Variants in JAKMIP1 observed in about 807,000 individuals in gnomAD.
The protein encoded by JAKMIP1 is janus kinase and microtubule interacting protein 1.
A neutral mutation model predicts 113.0 loss-of-function variants in JAKMIP1; 33 were observed. That is an observed-to-expected ratio of 0.29 (90% CI 0.22 to 0.39). The LOEUF is 0.39. JAKMIP1 is among the 10% of genes least tolerant of loss of function. The pLI is 1.00. For missense variants in JAKMIP1, 813 were observed against 1,080.5 expected (o/e 0.75, Z 3.47); for synonymous variants, 480 against 459.9 (o/e 1.04, Z -0.56).
In JAKMIP1 at chr4:6,100,772, A is replaced by G. The variant is rs188487070; in HGVS notation, c.624+4701T>C. On this transcript the variant is annotated intron_variant, in intron 3 of 20. Coordinates refer to ENST00000409021, the MANE Select transcript of JAKMIP1 (RefSeq NM_001099433.2). ...TTTTTTTTAATAGTCATTCTAGTGG[A>G]TGAGAATTTATATCTAGTTGTAATT... Among the ~76,000 whole-genome samples, 17 of 152,276 alleles carry G rather than the reference A, an allele frequency of 1.1e-4. No homozygotes were observed. The East Asian group carries it at 2.9e-3, about 26-fold the overall frequency.
rs1717569127 is a variant in JAKMIP1 at position 6,126,244 on chromosome 4, T to A, written c.-147-13247A>T. Among the ~76,000 whole-genome samples the A allele has an allele frequency of 6.1e-5, 7 of 115,096 alleles. No individual in the cohort carries two copies. The South Asian group carries it at 2.0e-3, about 33-fold the overall frequency. The allele number at this position is 115,096 out of a possible 152,430, so 75.5% of individuals were successfully genotyped here. ...AACACACACACGCAAACACACACCA[T>A]GGAGAAACACACACACACACAAACA... On this transcript the variant is annotated intron_variant, in intron 1 of 20. Transcript: ENST00000409021.
chr4:6,050,840 G>A lies in JAKMIP1; in HGVS notation c.1807-161C>T, dbSNP rs190950073. On this transcript the variant is annotated intron_variant, in intron 13 of 20. Transcript: ENST00000409021. The surrounding 1 kb of genome is among the most constrained non-coding windows in gnomAD (Gnocchi z 7.4). ...AGCAGCCTCGTCCGTGAGCTACGAC[G>A]TTTTCACGCCTTCCCACGCAGCAGT... Among the ~76,000 whole-genome samples the A allele has an allele frequency of 3.0e-4, 46 of 152,288 alleles. No individual in the cohort carries two copies. The East Asian group carries it at 6.4e-3, about 21-fold the overall frequency.
At chr4:6,104,910 G>C (rs1370811967) in intron 3 of JAKMIP1, among the ~76,000 whole-genome samples, 2 of 152,172 alleles carry the variant, frequency 1.3e-5, no homozygotes, top group Non-Finnish European at 2.9e-5. Context: ...TCATCTCTCT[G>C]AGGACATCCA....
chr4:6,082,714 C>T (rs1236181338), intron 5 of JAKMIP1, among the ~76,000 whole-genome samples: 5 of 152,072 alleles, frequency 3.3e-5, no homozygotes, highest in Non-Finnish European at 7.4e-5. Flanking sequence ...GCTGCCCAAG[C>T]TGGGCTGGAA....
chr4:6,190,946 C>T (rs1727191285), intron 1 of JAKMIP1, among the ~76,000 whole-genome samples: 1 of 152,202 alleles, frequency 6.6e-6, no homozygotes, highest in Admixed American at 6.5e-5. Flanking sequence ...CGGCCTGCAC[C>T]ACATCCTGAG....
chr4:6,181,631 T>C lies in JAKMIP1; in HGVS notation c.-148+18622A>G, dbSNP rs931585217. 6.6e-6 allele frequency among the ~76,000 whole-genome samples: 1 copy of C among 152,124 alleles called. No homozygotes were observed. The highest frequency in any genetic ancestry group is 1.9e-4 in the East Asian group (1 of 5,196). ...CTGTGGAAGGGGTGAAATCAGGATA[T>C]GCAGATGGAGGAGCAGGGGTCAAAG... On this transcript the variant is annotated intron_variant, in intron 1 of 20. Coordinates refer to ENST00000409021, the MANE Select transcript of JAKMIP1 (RefSeq NM_001099433.2). This position sits in a 1 kb window ranked among gnomAD's most constrained non-coding sequence, Gnocchi z 5.4.
rs549440442 is a variant in JAKMIP1 at position 6,113,061 on chromosome 4, C to T, written c.-147-64G>A. On this transcript the variant is annotated intron_variant, in intron 1 of 20. Transcript: ENST00000409021. Reference sequence around the variant, plus strand: ...GGGTGGGGAGCTGGTGTCCCTGCCTCGGGCACCCTGGGCCAGGCACCTGCC... The same window carrying T: ...GGGTGGGGAGCTGGTGTCCCTGCCTTGGGCACCCTGGGCCAGGCACCTGCC... The T allele has an allele frequency of 5.2e-4, 377 of 728,010 alleles. 1 individual carries two copies. The highest frequency in any genetic ancestry group is 5.0e-3 in the African/African-American group (278 of 56,000). The allele number at this position is 728,010 out of a possible 1,614,324, so 45.1% of individuals were successfully genotyped here.
Position 6,112,888 on chromosome 4 carries a change from C to A in JAKMIP1, c.-38G>T. On this transcript the variant is annotated 5_prime_UTR_variant, in exon 2 of 21. Coordinates refer to ENST00000409021, the MANE Select transcript of JAKMIP1 (RefSeq NM_001099433.2). Reference sequence around the variant, plus strand: ...GTCAGAGTGCTGAGATCCTGCGGTCCACACCTGTTCACGCACGCCAGCCAG... The same window carrying A: ...GTCAGAGTGCTGAGATCCTGCGGTCAACACCTGTTCACGCACGCCAGCCAG... 1.3e-6 allele frequency: 2 copies of A among 1,597,048 alleles called. No individual in the cohort carries two copies. Among genetic ancestry groups the A allele is most frequent in the Admixed American group, 1.7e-5 (1 of 59,340 alleles).
rs1357978544 is a variant in JAKMIP1, at chr4:6,097,772, C to T, written c.624+7701G>A. On this transcript the variant is annotated intron_variant, in intron 3 of 20. Transcript: ENST00000409021. The surrounding 1 kb of genome is among the most constrained non-coding windows in gnomAD (Gnocchi z 4.3). ...TGACAAATGGTGTGAGTCAACCATT[C>T]CATGGGAAAAGCCAGGCCCACGCTT... Among the ~76,000 whole-genome samples, 1 of 152,168 alleles carries T rather than the reference C, an allele frequency of 6.6e-6. No individual in the cohort carries two copies. Among genetic ancestry groups the T allele is most frequent in the Non-Finnish European group, 1.5e-5 (1 of 68,040 alleles).
chr4:6,048,354 G>A (rs552770425), intron 16 of JAKMIP1, among the ~76,000 whole-genome samples: 6 of 152,280 alleles, frequency 3.9e-5, no homozygotes, highest in Admixed American at 6.5e-5. Context: ...ATTTTAAGAC[G>A]TAGATAGAAA....
chr4:6,045,184 A>C (rs558037054), intron 16 of JAKMIP1, among the ~76,000 whole-genome samples: 26 of 152,388 alleles, frequency 1.7e-4, no homozygotes, highest in Admixed American at 3.9e-4. Flanking sequence ...CCTATGCCTC[A>C]TTCTCCTATC....
chr4:6,060,485 T>C lies in JAKMIP1; in HGVS notation c.1583A>G (p.Asp528Gly). The C allele has an allele frequency of 6.2e-7, 1 of 1,614,120 alleles. No individual in the cohort carries two copies. Among genetic ancestry groups the C allele is most frequent in the Non-Finnish European group, 8.5e-7 (1 of 1,179,994 alleles). Reference sequence around the variant, plus strand: ...GATTTTGGCCTGACACCTCAGCAGATCAGCTTGTAGCTGCTCCCGAGTCTG... The same window carrying C: ...GATTTTGGCCTGACACCTCAGCAGACCAGCTTGTAGCTGCTCCCGAGTCTG... ...EARTREQLQA[D>G]LLRCQAKIED... is the part of the protein sequence containing the mutation. The change falls in exon 11 of 21, where the codon GAT (aspartate) becomes GGT (glycine). Residue 528 changes from aspartate (D) to glycine (G), a missense_variant. Transcript: ENST00000409021.
rs1724352631 is a variant in JAKMIP1, at chr4:6,170,417, A to ACCACTACCTCTATCACTAC, written c.-148+29835_-148+29836insGTAGTGATAGAGGTAGTGG. Among the ~76,000 whole-genome samples, 4 of 150,480 alleles carry ACCACTACCTCTATCACTAC rather than the reference A, an allele frequency of 2.7e-5. No individual in the cohort carries two copies. In the South Asian group the frequency reaches 8.5e-4, roughly 32 times the overall value. ...TACCTCTATCACTACCGCCACCACC[A>ACCACTACCTCTATCACTAC]CGACCATCACCATAGTCACCACCAC... On this transcript the variant is annotated intron_variant, in intron 1 of 20. Transcript: ENST00000409021.
rs1418149127 is a variant in JAKMIP1, at chr4:6,085,344, C to CTG, written c.834+74_834+75dup. The CTG allele has an allele frequency of 3.8e-6, 5 of 1,321,416 alleles. No homozygotes were observed. The African/African-American group carries it at 7.3e-5, about 19-fold the overall frequency. 81.9% of individuals were successfully genotyped at this position (1,321,416 alleles called of 1,614,324 possible). ...TGAATACATGCCACCTCAGAGTCCT[C>CTG]TGTGGCTGACCAGAAAAATGCCACC... On this transcript the variant is annotated intron_variant, in intron 4 of 20. Coordinates refer to ENST00000409021, the MANE Select transcript of JAKMIP1 (RefSeq NM_001099433.2).
At chr4:6,146,439 C>T (rs1170714656) in intron 1 of JAKMIP1, among the ~76,000 whole-genome samples, 1 of 152,060 alleles carries the variant, frequency 6.6e-6, no homozygotes, top group Non-Finnish European at 1.5e-5. Context: ...GGACTACAGG[C>T]ATGTGTCAAC....
chr4:6,053,847 A>G, intron 13 of JAKMIP1: 1 of 1,409,238 alleles, frequency 7.1e-7, no homozygotes, highest in Non-Finnish European at 9.2e-7. Context: ...TTGGGTGAGC[A>G]CGCTCTCCAG....
Position 6,060,485 on chromosome 4 carries a change from T to G in JAKMIP1, c.1583A>C (p.Asp528Ala). 6.2e-7 allele frequency: 1 copy of G among 1,614,120 alleles called. No individual in the cohort carries two copies. The highest frequency in any genetic ancestry group is 8.5e-7 in the Non-Finnish European group (1 of 1,179,994). ...EARTREQLQA[D>A]LLRCQAKIED... ...GATTTTGGCCTGACACCTCAGCAGA[T>G]CAGCTTGTAGCTGCTCCCGAGTCTG... The change falls in exon 11 of 21, where the codon GAT becomes GCT. Residue 528 changes from aspartate to alanine, a missense_variant. Coordinates refer to ENST00000409021, the MANE Select transcript of JAKMIP1 (RefSeq NM_001099433.2).
In JAKMIP1 at chr4:6,065,690, C is replaced by T. The variant is rs1472414363; in HGVS notation, c.1303-682G>A. Among the ~76,000 whole-genome samples the T allele has an allele frequency of 6.6e-6, 1 of 152,226 alleles. No homozygotes were observed. Among genetic ancestry groups the T allele is most frequent in the African/African-American group, 2.4e-5 (1 of 41,466 alleles). ...ATGTAATAGACCTTCACACGACCAT[C>T]ACTCAGATCCAGAGGCAAATTGTAA... On this transcript the variant is annotated intron_variant, in intron 8 of 20. Coordinates refer to ENST00000409021, the MANE Select transcript of JAKMIP1 (RefSeq NM_001099433.2). This position sits in a 1 kb window ranked among gnomAD's most constrained non-coding sequence, Gnocchi z 5.1.
At chr4:6,195,406 G>A (rs993765541) in intron 1 of JAKMIP1, among the ~76,000 whole-genome samples, 2 of 152,046 alleles carry the variant, frequency 1.3e-5, no homozygotes, top group Admixed American at 6.5e-5. Flanking sequence ...TATTAACCAT[G>A]ATTAAATATT....
Sources: gnomAD v4.1 joint callset for allele counts (sites outside exome capture counted in the v4.1 genomes callset) on GRCh38, gnomAD v4.1.1 for gene constraint, Gnocchi (gnomAD v3.1) non-coding constraint, MANE v1.5 for transcripts, NCBI Gene and HGNC (gene_info 2026-07-23, HGNC 2026-07-21) for gene names.